C9: variants seen among roughly 807,000 people sequenced by gnomAD.
C9 encodes complement C9.
C9 carries 63 observed loss-of-function variants against 65.4 expected under a neutral mutation model. That is an observed-to-expected ratio of 0.96 (90% CI 0.79 to 1.19). C9 has a LOEUF of 1.19. Among genes scored for constraint, C9 ranks in the 50% most tolerant of loss-of-function variants. The probability of loss-of-function intolerance (pLI) is 0.00; values close to 1 mark genes in which losing one functional copy is unlikely to be tolerated. For synonymous variants in C9, 229 were observed against 227.9 expected (o/e 1.00, Z -0.04); for missense variants, 744 against 670.1 (o/e 1.11, Z -1.22).
intron 4 of C9, among the ~76,000 whole-genome samples, chr5:39,339,303 C>A (rs1417100912): frequency 6.6e-6 from 1 of 152,188 alleles, no homozygotes; most frequent in Non-Finnish European, 1.5e-5. Context: ...GCTGCTTGAA[C>A]AAGATTTTAT....
intron 1 of C9, among the ~76,000 whole-genome samples, chr5:39,348,668 T>G (rs1050196979): frequency 2.6e-5 from 4 of 152,220 alleles, no homozygotes; most frequent in Admixed American, 6.5e-5. Context: ...ATCCCATTAC[T>G]GGGTATATAC....
intron 6 of C9, among the ~76,000 whole-genome samples, chr5:39,314,216 G>A (rs1409619876): frequency 2.6e-5 from 4 of 152,076 alleles, no homozygotes; most frequent in East Asian, 1.9e-4. Context: ...TTGGGAGGCC[G>A]AGACGGGTGG....
At chr5:39,341,475 A>G in intron 3 of C9, 81 bp downstream of exon 3, 2 of 1,539,146 alleles carry the variant, frequency 1.3e-6, no homozygotes, top group Non-Finnish European at 1.8e-6. Context: ...CCAAGTGTCC[A>G]GAAGCATATG....
intron 5 of C9, among the ~76,000 whole-genome samples, chr5:39,331,275 G>C (rs1347829797): frequency 6.6e-6 from 1 of 152,118 alleles, no homozygotes; most frequent in Non-Finnish European, 1.5e-5. Context: ...AGTCAAGCAG[G>C]CTCTTCATAG....
chr5:39,328,102 A>T (rs1753782958), intron 5 of C9, among the ~76,000 whole-genome samples: 1 of 152,236 alleles, frequency 6.6e-6, no homozygotes, highest in Non-Finnish European at 1.5e-5. Flanking sequence ...GCTTAGCAGA[A>T]TGTCTAGCAA....
At chr5:39,329,221 A>T (rs1753803050) in intron 5 of C9, among the ~76,000 whole-genome samples, 1 of 152,180 alleles carries the variant, frequency 6.6e-6, no homozygotes, top group Non-Finnish European at 1.5e-5. Flanking sequence ...CTGCTAATTT[A>T]TAAAGTGGTC....
intron 1 of C9, among the ~76,000 whole-genome samples, chr5:39,359,954 A>AAATAGGATAATTAGTTCATAAAT (rs1754484051): frequency 6.6e-6 from 1 of 152,256 alleles, no homozygotes; most frequent in Admixed American, 6.5e-5. Flanking sequence ...CTATTTGGCC[A>AAATAGGATAATTAGTTCATAAAT]AATGTAGTTC....
rs759469645 is a variant in C9, at chr5:39,311,340, A to G, written c.908T>C (p.Leu303Pro). Residue 303 changes from leucine to proline, a missense_variant, in exon 7 of 11, where the codon CTG (leucine) becomes CCG (proline). Leu to Pro is a moderately conservative substitution (Grantham distance 98, BLOSUM62 -3). Transcript: ENST00000263408. ...MFLHVKGEIHLGRFVMRNRDV... is the reference protein window; with the variant it reads ...MFLHVKGEIHPGRFVMRNRDV... ...GCGATTTCTCATTACAAATCTTCCC[A>G]GATGAATTTCTCCTTTCACATGCAG... 1 of 1,612,820 alleles carries G rather than the reference A, an allele frequency of 6.2e-7. No individual in the cohort carries two copies. Among genetic ancestry groups the G allele is most frequent in the South Asian group, 1.1e-5 (1 of 91,058 alleles).
chr5:39,291,479 A>G (rs1254936928), intron 9 of C9, among the ~76,000 whole-genome samples: 1 of 151,826 alleles, frequency 6.6e-6, no homozygotes, highest in Non-Finnish European at 1.5e-5. Flanking sequence ...CCCCAGAAGG[A>G]GAACAAAGGA....
chr5:39,350,369 T>G (rs835210), intron 1 of C9, among the ~76,000 whole-genome samples: 1 of 152,116 alleles, frequency 6.6e-6, no homozygotes. Context: ...CACCCTGGCT[T>G]GTCCAAAATC....
chr5:39,333,868 C>A (rs535197551), intron 4 of C9, among the ~76,000 whole-genome samples: 1 of 152,138 alleles, frequency 6.6e-6, no homozygotes. Flanking sequence ...CCAGCCTTGG[C>A]CTCCTGAGTT....
rs761328716 is a variant in C9 at position 39,331,667 on chromosome 5, G to C, written c.615+9C>G. ...GTTGAACAATGTGTTTTCCTCCGAGGAGACTTACTTCATAGATCAAAGAAG... is the reference window on the plus strand; with the variant it reads ...GTTGAACAATGTGTTTTCCTCCGAGCAGACTTACTTCATAGATCAAAGAAG... On this transcript the variant is annotated intron_variant, in intron 5 of 10. Transcript: ENST00000263408. 1.9e-6 allele frequency: 3 copies of C among 1,613,414 alleles called. No individual in the cohort carries two copies. The highest frequency in any genetic ancestry group is 2.5e-6 in the Non-Finnish European group (3 of 1,179,390).
At chr5:39,345,289 A>G (rs910139167) in intron 1 of C9, among the ~76,000 whole-genome samples, 7 of 152,246 alleles carry the variant, frequency 4.6e-5, no homozygotes, top group Non-Finnish European at 7.3e-5. Flanking sequence ...TCTTATGTGC[A>G]GAGACACACA....
rs977100718 is a variant in C9 at position 39,284,401 on chromosome 5, C to T, written c.*798G>A. On this transcript the variant is annotated 3_prime_UTR_variant, in exon 11 of 11. Coordinates refer to ENST00000263408, the MANE Select transcript of C9 (RefSeq NM_001737.5). The stretch of plus-strand genomic sequence containing the variant: ...CTCAGGTAGGTAACCTTACCTTATA[C>T]AACTCATAAGGCTAGGTATTAAGTT... 1 of 152,122 alleles carries T rather than the reference C, an allele frequency of 6.6e-6. No homozygotes were observed. The highest frequency in any genetic ancestry group is 1.9e-4 in the East Asian group (1 of 5,198). The allele number at this position is 152,122 out of a possible 1,614,324, so 9.4% of individuals were successfully genotyped here.
chr5:39,322,338 C>T (rs2111910608), intron 5 of C9, among the ~76,000 whole-genome samples: 1 of 151,914 alleles, frequency 6.6e-6, no homozygotes, highest in South Asian at 2.1e-4. Context: ...GCAGCATAAG[C>T]AGTTCTAACA....
intron 1 of C9, among the ~76,000 whole-genome samples, chr5:39,346,482 A>T (rs1367123337): frequency 6.6e-6 from 1 of 152,234 alleles, no homozygotes; most frequent in East Asian, 1.9e-4. Flanking sequence ...AAGAAGTTGA[A>T]TCCCTGAATA....
chr5:39,348,134 C>G (rs1400243059), intron 1 of C9, among the ~76,000 whole-genome samples: 2 of 151,956 alleles, frequency 1.3e-5, no homozygotes, highest in East Asian at 3.9e-4. Context: ...TCTAAAACAC[C>G]AAAAGCAATG....
intron 7 of C9, among the ~76,000 whole-genome samples, chr5:39,309,912 C>A (rs1753449444): frequency 6.6e-6 from 1 of 152,162 alleles, no homozygotes; most frequent in South Asian, 2.1e-4. Flanking sequence ...CACTCATAAG[C>A]CTTTCTCTTC....
At chr5:39,342,829 C>A (rs1483220814) in intron 1 of C9, among the ~76,000 whole-genome samples, 1 of 152,134 alleles carries the variant, frequency 6.6e-6, no homozygotes, top group African/African-American at 2.4e-5. Context: ...CCCTTTCCAC[C>A]CCTAGGCCCA....
Sources: allele counts gnomAD v4.1 joint callset (sites outside exome capture counted in the v4.1 genomes callset), GRCh38; gene constraint gnomAD v4.1.1; transcripts MANE v1.5; gene names NCBI Gene and HGNC (gene_info 2026-07-23, HGNC 2026-07-21).